The following ZNF215 variants were observed in gnomAD, a reference collection of about 807,000 sequenced individuals.
ZNF215 encodes zinc finger protein 215, also known as BWSCR2-associated zinc finger protein 2.
Under a neutral mutation model 27.2 loss-of-function variants are expected in ZNF215, and 24 were observed. That is an observed-to-expected ratio of 0.88 (90% CI 0.64 to 1.24). The LOEUF (loss-of-function observed/expected upper bound fraction) is 1.24. ZNF215 is among the 50% of genes most tolerant of loss of function. The pLI is 0.00. For synonymous variants in ZNF215, 210 were observed against 204.0 expected (o/e 1.03, Z -0.25); for missense variants, 675 against 605.7 (o/e 1.11, Z -1.20).
chr11:6,967,998 CAT>C (rs1277977685), intron 5 of ZNF215, among the ~76,000 whole-genome samples: 2 of 152,172 alleles, frequency 1.3e-5, no homozygotes, highest in Admixed American at 6.5e-5. Context: ...CAGTTTTCTG[CAT>C]ATGTCTAGCC....
At chr11:6,978,487 C>T (rs1323675659) in intron 5 of ZNF215, among the ~76,000 whole-genome samples, 1 of 152,002 alleles carries the variant, frequency 6.6e-6, no homozygotes, top group South Asian at 2.1e-4. Context: ...AAATACTGAA[C>T]TCTGATTAAT....
intron 5 of ZNF215, among the ~76,000 whole-genome samples, chr11:6,976,042 C>A (rs1044319576): frequency 6.6e-6 from 1 of 152,054 alleles, no homozygotes; most frequent in East Asian, 1.9e-4. Context: ...GCTGTTTTAA[C>A]TGGGGTGAAA....
At chr11:6,965,183 T>C (rs773345324) in intron 5 of ZNF215, among the ~76,000 whole-genome samples, 1 of 152,100 alleles carries the variant, frequency 6.6e-6, no homozygotes, top group Non-Finnish European at 1.5e-5. Context: ...AACAGTGTTA[T>C]TTCAGTAAAG....
chr11:6,947,086 ACT>A (rs1174037188), intron 6 of ZNF215, among the ~76,000 whole-genome samples: 3 of 151,644 alleles, frequency 2.0e-5, no homozygotes, highest in East Asian at 1.9e-4. Context: ...AATTTATGTA[ACT>A]CTGTATTTCC....
At chr11:6,937,233 C>A (rs941305608) in intron 3 of ZNF215, among the ~76,000 whole-genome samples, 3 of 151,908 alleles carry the variant, frequency 2.0e-5, no homozygotes, top group African/African-American at 7.2e-5. Flanking sequence ...TTGCAGGATG[C>A]AAAGTCAACA....
intron 6 of ZNF215, among the ~76,000 whole-genome samples, chr11:6,945,131 C>T (rs954093203): frequency 5.9e-5 from 9 of 152,160 alleles, no homozygotes; most frequent in African/African-American, 2.2e-4. Context: ...ATTATTATCT[C>T]TTTATCATCA....
chr11:6,965,199 T>G (rs986318415), intron 5 of ZNF215, among the ~76,000 whole-genome samples: 1 of 152,138 alleles, frequency 6.6e-6, no homozygotes, highest in Non-Finnish European at 1.5e-5. Context: ...TAAAGGCATA[T>G]TGAACACGGT....
chr11:6,935,171 G>T (rs1350793465), intron 3 of ZNF215, among the ~76,000 whole-genome samples: 1 of 152,206 alleles, frequency 6.6e-6, no homozygotes, highest in Non-Finnish European at 1.5e-5. Flanking sequence ...GATATGCTTT[G>T]AGGGAATAAG....
chr11:6,951,418 A>T (rs1263672608), intron 6 of ZNF215, among the ~76,000 whole-genome samples: 1 of 152,132 alleles, frequency 6.6e-6, no homozygotes, highest in East Asian at 1.9e-4. Context: ...AGAGCCTGTT[A>T]TTGGTCTGTT....
At chr11:6,970,740 C>G (rs898917851) in intron 5 of ZNF215, among the ~76,000 whole-genome samples, 2 of 152,204 alleles carry the variant, frequency 1.3e-5, no homozygotes, top group African/African-American at 4.8e-5. Flanking sequence ...CTTACCCTCT[C>G]TATCTCACCT....
chr11:6,983,866 A>G (rs1306910458), intron 5 of ZNF215, among the ~76,000 whole-genome samples: 2 of 152,164 alleles, frequency 1.3e-5, no homozygotes, highest in Non-Finnish European at 2.9e-5. Flanking sequence ...ATATAATCCA[A>G]AATTCTACAG....
intron 5 of ZNF215, among the ~76,000 whole-genome samples, chr11:6,967,870 A>G (rs748040178): frequency 1.3e-5 from 2 of 152,174 alleles, no homozygotes; most frequent in Non-Finnish European, 2.9e-5. Context: ...GGCCATGCCT[A>G]TGTCCTGAAT....
chr11:6,958,019 C>A lies in ZNF215; in HGVS notation c.*1488C>A. On this transcript the variant is annotated 3_prime_UTR_variant, in exon 7 of 7. Coordinates refer to ENST00000278319, the MANE Select transcript of ZNF215 (RefSeq NM_013250.4). ...GGCAGAAAAGGTATACTGGAGTGAACTCCTATGATTAAATAATGTCAAAAT... is the reference window on the plus strand; with the variant it reads ...GGCAGAAAAGGTATACTGGAGTGAAATCCTATGATTAAATAATGTCAAAAT... 2 of 985,382 alleles carry A rather than the reference C, an allele frequency of 2.0e-6. No individual in the cohort carries two copies. The highest frequency in any genetic ancestry group is 9.4e-5 in the South Asian group (2 of 21,286). The allele number at this position is 985,382 out of a possible 1,614,324, so 61.0% of individuals were successfully genotyped here.
chr11:6,971,656 TTTTC>T (rs2133335861), intron 5 of ZNF215, among the ~76,000 whole-genome samples: 1 of 152,298 alleles, frequency 6.6e-6, no homozygotes, highest in South Asian at 2.1e-4. Context: ...ATTATTAGAT[TTTTC>T]TTTAAGAGGA....
rs147910093 is a variant in ZNF215, at chr11:6,942,682, G to A, written c.484-401G>A. Among the ~76,000 whole-genome samples the A allele has an allele frequency of 5.6e-4, 86 of 152,232 alleles. No homozygotes were observed. In the East Asian group the frequency reaches 0.014, roughly 25 times the overall value. The stretch of plus-strand genomic sequence containing the variant: ...AAATGCCCTACCTCTCCTTCCAGCA[G>A]AGCCTACATTTTCATTACAAATCTC... On this transcript the variant is annotated intron_variant, in intron 4 of 6. Coordinates refer to ENST00000278319, the MANE Select transcript of ZNF215 (RefSeq NM_013250.4).
chr11:6,943,018 C>T (rs1248036748), intron 4 of ZNF215, 65 bp from the exon 5 acceptor site: 1 of 1,566,606 alleles, frequency 6.4e-7, no homozygotes, highest in Non-Finnish European at 8.6e-7. Flanking sequence ...CCTTCAAATC[C>T]ATTCCTTCTC....
exon 6 of ZNF215, chr11:6,984,262 C>T (rs1232492182): frequency 4.2e-6 from 1 of 239,688 alleles, no homozygotes; most frequent in Admixed American, 5.9e-5. Context: ...CACCCACCAC[C>T]ATGCCTAGCT....
downstream of ZNF215, among the ~76,000 whole-genome samples, chr11:6,993,653 T>C (rs1163985042): frequency 6.6e-6 from 1 of 152,200 alleles, no homozygotes; most frequent in Non-Finnish European, 1.5e-5. Context: ...TGTTCTATGA[T>C]TACATTTTCT....
downstream of ZNF215, among the ~76,000 whole-genome samples, chr11:6,985,304 C>G (rs1851037231): frequency 6.6e-6 from 1 of 152,036 alleles, no homozygotes; most frequent in African/African-American, 2.4e-5. Context: ...AAAAACTAAT[C>G]TCAATATTTA....
Sources: allele counts gnomAD v4.1 joint callset (sites outside exome capture counted in the v4.1 genomes callset), GRCh38; gene constraint gnomAD v4.1.1; transcripts MANE v1.5; gene names NCBI Gene and HGNC (gene_info 2026-07-23, HGNC 2026-07-21).